Variants in EFCAB6 observed in about 807,000 individuals in gnomAD.
EFCAB6 encodes the protein EF-hand calcium-binding domain-containing protein 6.
EFCAB6 carries 156 observed loss-of-function variants against 169.8 expected under a neutral mutation model. The ratio of observed to expected loss-of-function variants is 0.92; its 90% CI spans 0.81 to 1.05. The LOEUF (loss-of-function observed/expected upper bound fraction) is 1.05. Among genes scored for constraint, EFCAB6 ranks in the 50% least tolerant of loss-of-function variants. The pLI, the probability that EFCAB6 is intolerant of heterozygous loss-of-function variation, is 0.00. For missense variants in EFCAB6, 1,800 were observed against 1,829.1 expected (o/e 0.98, Z 0.29); for synonymous variants, 698 against 676.4 (o/e 1.03, Z -0.50).
intron 17 of EFCAB6, among the ~76,000 whole-genome samples, chr22:43,639,539 C>T (rs1256153355): frequency 6.6e-6 from 1 of 152,088 alleles, no homozygotes; most frequent in Admixed American, 6.5e-5. Context: ...AATGTTGTTT[C>T]CCTGTTTGTA....
chr22:43,587,617 CTT>C (rs149986186), intron 24 of EFCAB6, among the ~76,000 whole-genome samples: 3,004 of 152,314 alleles, frequency 0.02, 101 homozygotes, highest in African/African-American at 0.069. Flanking sequence ...CTGCCTCCCT[CTT>C]ATAAGGACAC....
chr22:43,644,909 T>C (rs954638119), intron 17 of EFCAB6, among the ~76,000 whole-genome samples: 1 of 152,260 alleles, frequency 6.6e-6, no homozygotes, highest in Admixed American at 6.5e-5. Context: ...ATGTAGTTAA[T>C]TGCAATTTAA....
chr22:43,722,493 T>C (rs1274163434), intron 8 of EFCAB6, among the ~76,000 whole-genome samples: 1 of 149,510 alleles, frequency 6.7e-6, no homozygotes, highest in Non-Finnish European at 1.5e-5. Context: ...ATCGCGCTGC[T>C]GCACTCCAGC....
chr22:43,751,551 C>T (rs1264921697), intron 6 of EFCAB6, among the ~76,000 whole-genome samples: 1 of 152,214 alleles, frequency 6.6e-6, no homozygotes, highest in African/African-American at 2.4e-5. Context: ...TGGGACCCCA[C>T]AGGCAGACAG....
At chr22:43,730,241 T>A (rs111981198) in intron 8 of EFCAB6, among the ~76,000 whole-genome samples, 6 of 1,032 alleles carry the variant, frequency 5.8e-3, no homozygotes, top group East Asian at 0.026. Context: ...GAGGGAAGGA[T>A]GGAAGGAGGG....
chr22:43,756,534 A>G (rs1427413402), intron 5 of EFCAB6, among the ~76,000 whole-genome samples: 1 of 152,098 alleles, frequency 6.6e-6, no homozygotes, highest in Non-Finnish European at 1.5e-5. Context: ...TGAGGGTGGG[A>G]GGAGAACACG....
chr22:43,554,569 C>A (rs74805248), intron 27 of EFCAB6: 7 of 404,166 alleles, frequency 1.7e-5, no homozygotes, highest in African/African-American at 4.1e-5. Flanking sequence ...CAGACCCAGA[C>A]CACATTACCT....
At chr22:43,657,977 C>G (rs1009252005) in intron 17 of EFCAB6, among the ~76,000 whole-genome samples, 2 of 152,268 alleles carry the variant, frequency 1.3e-5, no homozygotes, top group South Asian at 4.1e-4. Context: ...ATCTGTAATC[C>G]CAGCACTTTG....
chr22:43,582,748 A>G (rs2050811541), intron 24 of EFCAB6, among the ~76,000 whole-genome samples: 1 of 152,112 alleles, frequency 6.6e-6, no homozygotes, highest in South Asian at 2.1e-4. Flanking sequence ...ATGCCAGGGG[A>G]AAAAAACTCA....
rs1012274634 is a variant in EFCAB6 at position 43,744,086 on chromosome 22, TGATG to T, written c.508-8097_508-8094del. ...ATGGATGAACGGATGAATGGATGAATGATGAATGAATGAATGAATGAATGAATGG... is the reference window on the plus strand; with the variant it reads ...ATGGATGAACGGATGAATGGATGAATAATGAATGAATGAATGAATGAATGG... On this transcript the variant is annotated intron_variant, in intron 6 of 31. Transcript: ENST00000262726. This position sits in a 1 kb window ranked among gnomAD's most constrained non-coding sequence, Gnocchi z 4.3. Among the ~76,000 whole-genome samples the T allele has an allele frequency of 1.1e-4, 16 of 139,462 alleles. No homozygotes were observed. Among genetic ancestry groups the T allele is most frequent in the African/African-American group, 4.5e-4 (16 of 35,880 alleles). The allele number at this position is 139,462 out of a possible 152,430, so 91.5% of individuals were successfully genotyped here.
intron 12 of EFCAB6, among the ~76,000 whole-genome samples, chr22:43,679,448 T>C (rs1343420061): frequency 6.6e-6 from 1 of 152,236 alleles, no homozygotes; most frequent in Non-Finnish European, 1.5e-5. Flanking sequence ...GTTATGAACA[T>C]TTGTTCACAA....
rs370724337 is a variant in EFCAB6, at chr22:43,784,511, A to ATG, written c.-7-2188_-7-2187dup. On this transcript the variant is annotated intron_variant, in intron 2 of 31. Transcript: ENST00000262726. ...ACCAAAAAAAAAAAAAAATATATATATGTGTGTGTGTGTGTGTGTGTGTGT... is the reference window on the plus strand; with the variant it reads ...ACCAAAAAAAAAAAAAAATATATATATGTGTGTGTGTGTGTGTGTGTGTGTGT... Among the ~76,000 whole-genome samples, 804 of 91,328 alleles carry ATG rather than the reference A, an allele frequency of 8.8e-3. 15 individuals carry two copies. The highest frequency in any genetic ancestry group is 0.021 in the Middle Eastern group (3 of 142). 59.9% of individuals were successfully genotyped at this position (91,328 alleles called of 152,430 possible). A position where few individuals can be genotyped will look rare whatever the true frequency, so the allele number is the denominator to read the frequency against.
chr22:43,784,664 C>CACATATATGTGTATAT (rs2062000636), intron 2 of EFCAB6, among the ~76,000 whole-genome samples: 1 of 69,132 alleles, frequency 1.4e-5, no homozygotes, highest in Non-Finnish European at 2.7e-5. Context: ...TGTATATATA[C>CACATATATGTGTATAT]ATATACATAT....
chr22:43,805,833 A>C (rs2062897223), intron 2 of EFCAB6, among the ~76,000 whole-genome samples: 1 of 152,194 alleles, frequency 6.6e-6, no homozygotes, highest in African/African-American at 2.4e-5. Context: ...ATGTACATGG[A>C]TTATGCATCA....
In EFCAB6 at chr22:43,628,919, C is replaced by T. The variant is rs781526865; in HGVS notation, c.2233-2240G>A. On this transcript the variant is annotated intron_variant, in intron 19 of 31. Coordinates refer to ENST00000262726, the MANE Select transcript of EFCAB6 (RefSeq NM_022785.4). This position sits in a 1 kb window ranked among gnomAD's most constrained non-coding sequence, Gnocchi z 4.8. ...GTTCCCTGTTGCAGCTCCAGCTCTC[C>T]GAGCCATGCTCACCATAACGTCTGT... 3.3e-5 allele frequency among the ~76,000 whole-genome samples: 5 copies of T among 152,170 alleles called. No individual in the cohort carries two copies. The highest frequency in any genetic ancestry group is 4.8e-5 in the African/African-American group (2 of 41,440).
rs372975395 is a variant in EFCAB6, at chr22:43,600,061, T to G, written c.2876+8A>C. ...TAGATGATGGCCCCGTGATCCTTCC[T>G]CACTCACCTGGCTGCCACAGCCTTC... On this transcript the variant is annotated splice_region_variant and intron_variant, in intron 23 of 31. Coordinates refer to ENST00000262726, the MANE Select transcript of EFCAB6 (RefSeq NM_022785.4). 6.2e-7 allele frequency: 1 copy of G among 1,612,596 alleles called. No homozygotes were observed. Among genetic ancestry groups the G allele is most frequent in the African/African-American group, 1.3e-5 (1 of 74,998 alleles).
Position 43,537,581 on chromosome 22 carries a change from A to C in EFCAB6, c.3880-36T>G. 3 of 1,573,728 alleles carry C rather than the reference A, an allele frequency of 1.9e-6. No individual in the cohort carries two copies. The South Asian group carries it at 3.5e-5, about 18-fold the overall frequency. On this transcript the variant is annotated intron_variant, in intron 28 of 31. Coordinates refer to ENST00000262726, the MANE Select transcript of EFCAB6 (RefSeq NM_022785.4). This position sits in a 1 kb window ranked among gnomAD's most constrained non-coding sequence, Gnocchi z 4.3. ...AGAAAAGAAAAGGCTCTTTTCACTT[A>C]AGATTTAAAACGGAAGTCATCAAAA...
Position 43,711,626 on chromosome 22 carries a change from G to A in EFCAB6, c.883-3C>T. The A allele has an allele frequency of 6.3e-7, 1 of 1,575,876 alleles. No individual in the cohort carries two copies. The highest frequency in any genetic ancestry group is 8.5e-7 in the Non-Finnish European group (1 of 1,170,364). ...ACCTTTTCATAAGACTTCGAAAGCT[G>A]CAATAAATTGAAATTAGAGTGTGGC... On this transcript the variant is annotated splice_region_variant and splice_polypyrimidine_tract_variant and intron_variant, in intron 9 of 31. Transcript: ENST00000262726.
intron 5 of EFCAB6, among the ~76,000 whole-genome samples, chr22:43,756,890 C>T (rs1370665214): frequency 6.6e-6 from 1 of 152,168 alleles, no homozygotes; most frequent in Non-Finnish European, 1.5e-5. Context: ...GTATGAAGCC[C>T]TTGGCTGGCA....
Sources: gnomAD v4.1 joint callset for allele counts (sites outside exome capture counted in the v4.1 genomes callset) on GRCh38, gnomAD v4.1.1 for gene constraint, Gnocchi (gnomAD v3.1) non-coding constraint, MANE v1.5 for transcripts, NCBI Gene and HGNC (gene_info 2026-07-23, HGNC 2026-07-21) for gene names.